Variants in LOXL2 observed in about 807,000 individuals in gnomAD.
The protein encoded by LOXL2 is lysyl oxidase homolog 2.
Under a neutral mutation model 93.0 loss-of-function variants are expected in LOXL2, and 70 were observed. That is an observed-to-expected ratio of 0.75 (90% CI 0.62 to 0.92). The LOEUF (loss-of-function observed/expected upper bound fraction) is 0.92, where lower values mean the gene tolerates loss of function less well. Ranked by LOEUF, LOXL2 falls within the 40% of genes least tolerant of loss-of-function variation. The pLI, the probability that LOXL2 is intolerant of heterozygous loss-of-function variation, is 0.00. For missense variants in LOXL2, 973 were observed against 1,054.9 expected (o/e 0.92, Z 1.08); for synonymous variants, 438 against 413.2 (o/e 1.06, Z -0.73).
intron 3 of LOXL2, among the ~76,000 whole-genome samples, chr8:23,355,259 A>C (rs747075744): frequency 6.6e-6 from 1 of 151,924 alleles, no homozygotes; most frequent in Non-Finnish European, 1.5e-5. Flanking sequence ...GTTGGGATAC[A>C]TTCTAAACAT....
intron 2 of LOXL2, 81 bp from the exon 3 acceptor site, chr8:23,360,346 G>A: frequency 9.3e-7 from 1 of 1,076,154 alleles, no homozygotes; most frequent in Non-Finnish European, 1.3e-6. Context: ...TGTCTCACAT[G>A]GAAAGAGAAT....
intron 3 of LOXL2, among the ~76,000 whole-genome samples, chr8:23,345,280 C>T (rs192521116): frequency 2.6e-5 from 4 of 152,380 alleles, no homozygotes; most frequent in South Asian, 2.1e-4. Context: ...CAGTCCTCAT[C>T]TCATGCCTGT....
At chr8:23,363,193 A>G (rs1483658404) in intron 2 of LOXL2, 1 of 152,132 alleles carries the variant, frequency 6.6e-6, no homozygotes, top group Non-Finnish European at 1.5e-5. Context: ...AAACATTCCC[A>G]TTGGAGAGAT....
chr8:23,333,674 C>G, intron 4 of LOXL2, 51 bp from the exon 5 acceptor site: 2 of 1,453,230 alleles, frequency 1.4e-6, no homozygotes, highest in Non-Finnish European at 1.9e-6. Flanking sequence ...ACGCCTACCC[C>G]GATTCCTTCT....
chr8:23,401,973 T>C (rs1400902187), intron 1 of LOXL2, among the ~76,000 whole-genome samples: 1 of 152,218 alleles, frequency 6.6e-6, no homozygotes, highest in Non-Finnish European at 1.5e-5. Context: ...AACACAAAGT[T>C]ACAGGGAAGC....
At chr8:23,389,063 A>AT in intron 1 of LOXL2, among the ~76,000 whole-genome samples, 1 of 152,272 alleles carries the variant, frequency 6.6e-6, no homozygotes, top group South Asian at 2.1e-4. Context: ...AGAATCCCTG[A>AT]TTTTTCTTAT....
At chr8:23,371,484 G>A (rs985391023) in intron 1 of LOXL2, among the ~76,000 whole-genome samples, 1 of 152,120 alleles carries the variant, frequency 6.6e-6, no homozygotes, top group Non-Finnish European at 1.5e-5. Context: ...TGGGTGCAGT[G>A]GCTCACGCCT....
chr8:23,395,737 T>A (rs2117240075), intron 1 of LOXL2, among the ~76,000 whole-genome samples: 1 of 152,282 alleles, frequency 6.6e-6, no homozygotes, highest in East Asian at 1.9e-4. Context: ...TCTTACTCTG[T>A]CGCCCAGGCT....
At position 23,297,475 on chromosome 8, in the gene LOXL2, A is replaced by G. The variant is rs889368358; in HGVS notation, c.*568T>C. 6.6e-5 allele frequency: 10 copies of G among 152,368 alleles called. No individual in the cohort carries two copies. The highest frequency in any genetic ancestry group is 2.2e-4 in the African/African-American group (9 of 41,534). The allele number at this position is 152,368 out of a possible 1,614,324, so 9.4% of individuals were successfully genotyped here. ...GAAAAACAAGGGGTGGGGGCTGTGG[A>G]TAGGGAAGCACCAAGTCTGAGCTCA... On this transcript the variant is annotated 3_prime_UTR_variant, in exon 14 of 14. Coordinates refer to ENST00000389131, the MANE Select transcript of LOXL2 (RefSeq NM_002318.3).
In LOXL2 at chr8:23,390,679, G is replaced by A. The variant is rs1334848520; in HGVS notation, c.-84+13275C>T. Among the ~76,000 whole-genome samples the A allele has an allele frequency of 3.3e-5, 5 of 152,282 alleles. No individual in the cohort carries two copies. The South Asian group carries it at 6.2e-4, about 19-fold the overall frequency. On this transcript the variant is annotated intron_variant, in intron 1 of 13. Transcript: ENST00000389131. ...TGTGCCTACCAGAGACTCTCAGATC[G>A]GATCAGAGTGCAAAAGCCAAATACA...
chr8:23,338,083 A>C (rs149804019), intron 4 of LOXL2, among the ~76,000 whole-genome samples: 2 of 152,234 alleles, frequency 1.3e-5, no homozygotes, highest in Non-Finnish European at 2.9e-5. Context: ...CACGTCTTAC[A>C]TGACAGCAGG....
chr8:23,388,901 G>C (rs1395215381), intron 1 of LOXL2, among the ~76,000 whole-genome samples: 1 of 152,106 alleles, frequency 6.6e-6, no homozygotes, highest in African/African-American at 2.4e-5. Flanking sequence ...CTGGGTTGGA[G>C]GGAGAGAAAG....
chr8:23,383,657 G>GTT (rs968347697), intron 1 of LOXL2, among the ~76,000 whole-genome samples: 340 of 22,224 alleles, frequency 0.015, 4 homozygotes, highest in African/African-American at 0.026. Context: ...TTTTTTTTTT[G>GTT]TTTTTTTTTT....
At chr8:23,346,643 T>A (rs1803991904) in intron 3 of LOXL2, among the ~76,000 whole-genome samples, 1 of 152,180 alleles carries the variant, frequency 6.6e-6, no homozygotes, top group African/African-American at 2.4e-5. Context: ...ATTTTGAAAG[T>A]CTAGCTGGAA....
In LOXL2 at chr8:23,309,810, G is replaced by C. The variant is rs1160381623; in HGVS notation, c.1738C>G (p.Leu580Val). ...MLQCAMEENCLSASAAQTDPT... is the reference protein window; with the variant it reads ...MLQCAMEENCVSASAAQTDPT... ...TCGGTCTGCGCGGCTGAGGCCGAGA[G>C]GCAGTTCTCCTCCATGGCACACTGC... The change falls in exon 10 of 14, where the codon CTC becomes GTC. Residue 580 changes from leucine to valine, a missense_variant. Transcript: ENST00000389131. The C allele has an allele frequency of 1.2e-6, 2 of 1,604,038 alleles. No homozygotes were observed. Among genetic ancestry groups the C allele is most frequent in the South Asian group, 2.2e-5 (2 of 89,036 alleles).
At chr8:23,347,691 G>C (rs377318914) in intron 3 of LOXL2, among the ~76,000 whole-genome samples, 2 of 152,102 alleles carry the variant, frequency 1.3e-5, no homozygotes, top group Non-Finnish European at 2.9e-5. Flanking sequence ...AAAACAGGCT[G>C]GGTGTGGTGG....
In LOXL2 at chr8:23,297,977, G is replaced by A. The variant is rs796528623; in HGVS notation, c.*66C>T. On this transcript the variant is annotated 3_prime_UTR_variant, in exon 14 of 14. Coordinates refer to ENST00000389131, the MANE Select transcript of LOXL2 (RefSeq NM_002318.3). ...ACGTGGCATTCGTTCAGACTCAGTT[G>A]TTGGGGGGAAGTCCCATGGAAGATG... 1.3e-5 allele frequency: 18 copies of A among 1,383,352 alleles called. No homozygotes were observed. The highest frequency in any genetic ancestry group is 1.6e-5 in the Non-Finnish European group (16 of 979,588). The allele number at this position is 1,383,352 out of a possible 1,614,324, so 85.7% of individuals were successfully genotyped here. A position where few individuals can be genotyped will look rare whatever the true frequency, so the allele number is the denominator to read the frequency against.
intron 10 of LOXL2, among the ~76,000 whole-genome samples, chr8:23,306,639 C>CT (rs1187640724): frequency 2.6e-5 from 4 of 152,368 alleles, no homozygotes; most frequent in African/African-American, 9.6e-5. Flanking sequence ...GAAAGGGAGT[C>CT]TCTCCTCTTT....
intron 12 of LOXL2, among the ~76,000 whole-genome samples, chr8:23,301,162 C>T (rs1212592495): frequency 6.6e-6 from 1 of 152,232 alleles, no homozygotes; most frequent in Admixed American, 6.5e-5. Flanking sequence ...TGACACATTT[C>T]TGGTCATCCA....
Sources: allele counts gnomAD v4.1 joint callset (sites outside exome capture counted in the v4.1 genomes callset), GRCh38; gene constraint gnomAD v4.1.1; transcripts MANE v1.5; gene names NCBI Gene and HGNC (gene_info 2026-07-23, HGNC 2026-07-21).